The following NCAM2 variants were observed in gnomAD, a reference collection of about 807,000 sequenced individuals.
The protein encoded by NCAM2 is N-CAM-2.
NCAM2 carries 30 observed loss-of-function variants against 98.1 expected under a neutral mutation model. That is an observed-to-expected ratio of 0.31 (90% CI 0.23 to 0.41). NCAM2 has a LOEUF of 0.41. NCAM2 is among the 10% of genes least tolerant of loss of function. The probability of loss-of-function intolerance (pLI) is 1.00; values close to 1 mark genes in which losing one functional copy is unlikely to be tolerated. For synonymous variants in NCAM2, 368 were observed against 342.4 expected (o/e 1.07, Z -0.83); for missense variants, 867 against 1,005.8 (o/e 0.86, Z 1.87).
chr21:21,178,195 G>A (rs1252975838), intron 1 of NCAM2, among the ~76,000 whole-genome samples: 1 of 151,928 alleles, frequency 6.6e-6, no homozygotes, highest in East Asian at 1.9e-4. Flanking sequence ...TTAAATCAAA[G>A]CAACTAATCT....
chr21:21,198,203 TGTGTGTGTGTG>T (rs1380526335), intron 1 of NCAM2, among the ~76,000 whole-genome samples: 16 of 149,896 alleles, frequency 1.1e-4, no homozygotes, highest in African/African-American at 3.9e-4. Flanking sequence ...TGTGTGTGTG[TGTGTGTGTGTG>T]TGTGTGTGTG....
rs1269120332 is a variant in NCAM2, at chr21:21,265,015, T to A, written c.56-15563T>A. ...GTATGTGTATATATACACATATATATTATATATGTGTCTGTGTATATATGT... is the reference window on the plus strand; with the variant it reads ...GTATGTGTATATATACACATATATAATATATATGTGTCTGTGTATATATGT... On this transcript the variant is annotated intron_variant, in intron 1 of 17. Transcript: ENST00000400546. 4.6e-4 allele frequency among the ~76,000 whole-genome samples: 9 copies of A among 19,646 alleles called. 1 individual carries two copies. Among genetic ancestry groups the A allele is most frequent in the East Asian group, 1.0e-3 (1 of 964 alleles). The allele number at this position is 19,646 out of a possible 152,430, so 12.9% of individuals were successfully genotyped here.
intron 1 of NCAM2, among the ~76,000 whole-genome samples, chr21:21,215,200 C>G (rs1372700864): frequency 6.6e-6 from 1 of 152,024 alleles, no homozygotes; most frequent in African/African-American, 2.4e-5. Flanking sequence ...ATAAAATTAT[C>G]TGTATATGCA....
chr21:21,082,286 A>AC (rs1300446968), intron 1 of NCAM2, among the ~76,000 whole-genome samples: 3 of 149,274 alleles, frequency 2.0e-5, no homozygotes, highest in East Asian at 3.9e-4. Context: ...CAAAACAAAA[A>AC]AAAAAAAACA....
At chr21:21,330,767 G>T (rs2074652908) in intron 6 of NCAM2, among the ~76,000 whole-genome samples, 1 of 151,960 alleles carries the variant, frequency 6.6e-6, no homozygotes, top group Non-Finnish European at 1.5e-5. Flanking sequence ...TCAGTACTAT[G>T]AAAATTATTA....
At chr21:21,357,744 G>A (rs913253276) in intron 8 of NCAM2, among the ~76,000 whole-genome samples, 31 of 151,584 alleles carry the variant, frequency 2.0e-4, no homozygotes, top group Non-Finnish European at 3.1e-4. Context: ...GGTGCATTCT[G>A]GGATGCAATT....
chr21:21,210,451 G>A, intron 1 of NCAM2: 2 of 1,089,998 alleles, frequency 1.8e-6, no homozygotes, highest in Non-Finnish European at 1.2e-6. Context: ...GACACTCCAT[G>A]ACATATTTAC....
intron 1 of NCAM2, among the ~76,000 whole-genome samples, chr21:21,231,198 T>C (rs943639139): frequency 6.6e-6 from 1 of 151,218 alleles, no homozygotes; most frequent in Non-Finnish European, 1.5e-5. Flanking sequence ...AGAGCTGATT[T>C]AGTAGATGAG....
intron 12 of NCAM2, among the ~76,000 whole-genome samples, chr21:21,436,403 C>T (rs190711934): frequency 7.2e-5 from 11 of 152,312 alleles, no homozygotes; most frequent in Admixed American, 7.2e-4. Flanking sequence ...CTTGAAAGTG[C>T]TCTCACAGTA....
intron 1 of NCAM2, among the ~76,000 whole-genome samples, chr21:21,229,628 A>G (rs1221607517): frequency 6.6e-6 from 1 of 151,464 alleles, no homozygotes; most frequent in Non-Finnish European, 1.5e-5. Context: ...TTGCATTGTA[A>G]TAGTTGTCTT....
At chr21:21,174,939 A>G (rs1306620707) in intron 1 of NCAM2, among the ~76,000 whole-genome samples, 1 of 152,148 alleles carries the variant, frequency 6.6e-6, no homozygotes, top group Non-Finnish European at 1.5e-5. Flanking sequence ...GAATCTATAC[A>G]TAATAATACC....
intron 1 of NCAM2, among the ~76,000 whole-genome samples, chr21:21,256,217 G>T (rs549069959): frequency 1.3e-5 from 2 of 152,184 alleles, no homozygotes; most frequent in East Asian, 3.9e-4. Flanking sequence ...TTAGCTGGGC[G>T]TGGTGGTGGG....
chr21:21,482,927 G>A (rs1315722418), intron 15 of NCAM2, among the ~76,000 whole-genome samples: 1 of 151,804 alleles, frequency 6.6e-6, no homozygotes, highest in Non-Finnish European at 1.5e-5. Context: ...AGAATATTGG[G>A]AAACTATAGC....
At chr21:21,028,633 G>A (rs941434054) in intron 1 of NCAM2, among the ~76,000 whole-genome samples, 2 of 152,200 alleles carry the variant, frequency 1.3e-5, no homozygotes, top group African/African-American at 2.4e-5. Flanking sequence ...ATTAAAATGA[G>A]ACAGTGCAAT....
At chr21:21,337,060 C>A (rs976192468) in intron 7 of NCAM2, among the ~76,000 whole-genome samples, 1 of 152,020 alleles carries the variant, frequency 6.6e-6, no homozygotes, top group African/African-American at 2.4e-5. Flanking sequence ...GTGTTCCCCA[C>A]TTGAAAATAT....
chr21:21,005,189 G>A (rs998285006), intron 1 of NCAM2, among the ~76,000 whole-genome samples: 2 of 152,134 alleles, frequency 1.3e-5, no homozygotes, highest in Non-Finnish European at 2.9e-5. Flanking sequence ...TTGGGCAGGA[G>A]AGTAACATGG....
intron 1 of NCAM2, among the ~76,000 whole-genome samples, chr21:21,264,907 T>TATAC (rs1555846818): frequency 8.9e-6 from 1 of 112,634 alleles, no homozygotes; most frequent in Non-Finnish European, 1.8e-5. Flanking sequence ...TGTATATATA[T>TATAC]ACACATATAT....
chr21:21,466,813 A>C (rs980980264), intron 13 of NCAM2, 88 bp downstream of exon 13: 10 of 1,328,876 alleles, frequency 7.5e-6, no homozygotes, highest in Admixed American at 2.3e-5. Context: ...GAGATGTTTC[A>C]ACACTTTTGA....
intron 5 of NCAM2, among the ~76,000 whole-genome samples, chr21:21,306,745 A>G (rs560113629): frequency 2.1e-4 from 32 of 152,232 alleles, no homozygotes; most frequent in Admixed American, 6.5e-4. Flanking sequence ...TTGCATTGTT[A>G]TTGACTATAG....
Sources: gnomAD v4.1 joint callset for allele counts (sites outside exome capture counted in the v4.1 genomes callset) on GRCh38, gnomAD v4.1.1 for gene constraint, MANE v1.5 for transcripts, NCBI Gene and HGNC (gene_info 2026-07-23, HGNC 2026-07-21) for gene names.